Variants in APC observed in about 807,000 individuals in gnomAD.
The protein encoded by APC is adenomatous polyposis coli protein.
A neutral mutation model predicts 247.0 loss-of-function variants in APC; 72 were observed. That is an observed-to-expected ratio of 0.29 (90% confidence interval 0.24 to 0.35). The LOEUF is 0.35. Among genes scored for constraint, APC ranks in the 10% least tolerant of loss-of-function variants. The pLI is 1.00. For synonymous variants in APC, 1,254 were observed against 1,162.5 expected (o/e 1.08, Z -1.60); for missense variants, 3,400 against 3,360.7 (o/e 1.01, Z -0.29).
At chr5:112,812,098 A>G (rs1222818633) in intron 8 of APC, among the ~76,000 whole-genome samples, 1 of 152,196 alleles carries the variant, frequency 6.6e-6, no homozygotes, top group Non-Finnish European at 1.5e-5. Context: ...GATGGAAGAC[A>G]CGTCTTTGTA....
intron 1 of APC, among the ~76,000 whole-genome samples, chr5:112,727,504 C>A (rs1295209148): frequency 6.6e-6 from 1 of 152,088 alleles, no homozygotes; most frequent in Non-Finnish European, 1.5e-5. Flanking sequence ...TATATTTATT[C>A]TTTCATAAAC....
intron 2 of APC, among the ~76,000 whole-genome samples, chr5:112,756,395 G>C (rs921309554): frequency 6.6e-6 from 1 of 152,198 alleles, no homozygotes; most frequent in African/African-American, 2.4e-5. Flanking sequence ...AACTATGGGT[G>C]ACCTAAAAAG....
At chr5:112,764,712 G>A (rs1353761028) in intron 2 of APC, among the ~76,000 whole-genome samples, 1 of 152,182 alleles carries the variant, frequency 6.6e-6, no homozygotes, top group Non-Finnish European at 1.5e-5. Context: ...TTGTTGAATT[G>A]TGAGACCGGA....
intron 1 of APC, among the ~76,000 whole-genome samples, chr5:112,715,150 A>G (rs1484764766): frequency 6.6e-6 from 1 of 152,202 alleles, no homozygotes; most frequent in African/African-American, 2.4e-5. Flanking sequence ...GCGTTACTGA[A>G]TTCTACTTGT....
In APC at chr5:112,843,393, A is replaced by G. The variant is rs2149994056; in HGVS notation, c.7799A>G (p.Gln2600Arg). 3 of 1,613,418 alleles carry G rather than the reference A, an allele frequency of 1.9e-6. No homozygotes were observed. The highest frequency in any genetic ancestry group is 2.5e-6 in the Non-Finnish European group (3 of 1,179,662). ...KHVNSISGTKQSKENQVSAKG... is the reference protein window; with the variant it reads ...KHVNSISGTKRSKENQVSAKG... ...GTGAACTCTATTTCAGGAACCAAACAAAGTAAAGAAAACCAAGTATCCGCA... is the reference window on the plus strand; with the variant it reads ...GTGAACTCTATTTCAGGAACCAAACGAAGTAAAGAAAACCAAGTATCCGCA... Residue 2600 changes from glutamine (Q) to arginine (R), a missense_variant, in exon 16 of 16, where the codon CAA becomes CGA. Transcript: ENST00000257430. This position sits in a 1 kb window ranked among gnomAD's most constrained non-coding sequence, Gnocchi z 4.8.
intron 8 of APC, 72 bp downstream of exon 8, chr5:112,801,455 A>T: frequency 8.9e-7 from 1 of 1,125,072 alleles, no homozygotes; most frequent in Non-Finnish European, 1.3e-6. Flanking sequence ...AGATGGTTCT[A>T]AGAATGATCT....
At chr5:112,823,223 G>T (rs1172943101) in intron 11 of APC, 1 of 152,620 alleles carries the variant, frequency 6.6e-6, no homozygotes, top group Admixed American at 6.5e-5. Context: ...TATTCCAATG[G>T]ATTGTAGACT....
chr5:112,785,615 A>C (rs1290975874), intron 6 of APC, among the ~76,000 whole-genome samples: 1 of 152,230 alleles, frequency 6.6e-6, no homozygotes, highest in Non-Finnish European at 1.5e-5. Context: ...ATGTTGTAAT[A>C]ATCACAGTAT....
At chr5:112,720,410 T>G (rs1374117626) in intron 1 of APC, among the ~76,000 whole-genome samples, 1 of 152,252 alleles carries the variant, frequency 6.6e-6, no homozygotes, top group Non-Finnish European at 1.5e-5. Context: ...ATTTGCTCAC[T>G]TGCCTTTAAA....
intron 1 of APC, among the ~76,000 whole-genome samples, chr5:112,715,853 G>A (rs1751140510): frequency 6.6e-6 from 1 of 151,930 alleles, no homozygotes; most frequent in East Asian, 1.9e-4. Context: ...TCTATCTTGT[G>A]ATTATTTTTT....
rs559510809 is a variant in APC at position 112,819,294 on chromosome 5, G to T, written c.1262G>T (p.Trp421Leu). The T allele has an allele frequency of 6.2e-7, 1 of 1,614,034 alleles. No homozygotes were observed. Among genetic ancestry groups the T allele is most frequent in the South Asian group, 1.1e-5 (1 of 91,082 alleles). The change falls in exon 10 of 16, where the codon TGG becomes TTG. Residue 421 changes from tryptophan to leucine, a missense_variant. Physicochemically the swap from Trp to Leu is moderately conservative, Grantham distance 61. This residue lies in a region of APC where 199 missense variants were observed against 212.5 expected (regional missense o/e 0.94). Transcript: ENST00000257430. ...ATACGCGCTTACTGTGAAACCTGTT[G>T]GGAGTGGCAGGAAGCTCATGAACCA... ...EQIRAYCETC[W>L]EWQEAHEPGM...
rs1346125460 is a variant in APC at position 112,841,398 on chromosome 5, A to G, written c.5804A>G (p.Gln1935Arg). ...CTTCAGAAACAATCCACTTTTCCCC[A>G]GTCATCCAAAGACATACCAGACAGA... ...PILQKQSTFP[Q>R]SSKDIPDRGA... Residue 1935 changes from glutamine to arginine, a missense_variant, in exon 16 of 16, where the codon CAG (glutamine) becomes CGG (arginine). By Grantham distance (43) the Gln-to-Arg change is conservative. Transcript: ENST00000257430. The surrounding 1 kb of genome is among the most constrained non-coding windows in gnomAD (Gnocchi z 4.6). The G allele has an allele frequency of 6.2e-7, 1 of 1,613,906 alleles. No homozygotes were observed. The highest frequency in any genetic ancestry group is 8.5e-7 in the Non-Finnish European group (1 of 1,179,806).
At position 112,758,931 on chromosome 5, in the gene APC, A is replaced by T. The variant is rs181648081; in HGVS notation, c.135+3906A>T. On this transcript the variant is annotated intron_variant, in intron 2 of 15. Coordinates refer to ENST00000257430, the MANE Select transcript of APC (RefSeq NM_000038.6). ...CTAGAGCTCTTTAATTGACTTTAAA[A>T]TACTGAGTATAGCAACAAGGTAAAT... is the stretch of plus-strand genomic sequence containing the variant. Among the ~76,000 whole-genome samples, 1,278 of 152,328 alleles carry T rather than the reference A, an allele frequency of 8.4e-3. 7 individuals carry two copies. The highest frequency in any genetic ancestry group is 0.013 in the Non-Finnish European group (855 of 68,022).
intron 3 of APC, among the ~76,000 whole-genome samples, chr5:112,766,853 CT>C (rs1756392226): frequency 6.6e-6 from 1 of 152,188 alleles, no homozygotes; most frequent in South Asian, 2.1e-4. Context: ...GGATATCTTT[CT>C]CATTCTGTTG....
intron 6 of APC, among the ~76,000 whole-genome samples, chr5:112,782,194 A>G (rs114007171): frequency 0.029 from 4,365 of 152,218 alleles, 198 homozygotes; most frequent in African/African-American, 0.1. Flanking sequence ...GCAGCAGGCA[A>G]AGAGAGAGAG....
At position 112,844,530 on chromosome 5, in the gene APC, G is replaced by GC. The variant is rs761465527; in HGVS notation, c.*405dup. On this transcript the variant is annotated 3_prime_UTR_variant, in exon 16 of 16. Transcript: ENST00000257430. ...ACATCAGGGAAAAATTGGTATTTAT[G>GC]CAAAAAAAAATGTTTTTGTCCTTGT... The GC allele has an allele frequency of 7.9e-4, 139 of 176,534 alleles. No homozygotes were observed. The highest frequency in any genetic ancestry group is 1.2e-3 in the Non-Finnish European group (114 of 93,418). 10.9% of individuals were successfully genotyped at this position (176,534 alleles called of 1,614,324 possible). A position where few individuals can be genotyped will look rare whatever the true frequency, so the allele number is the denominator to read the frequency against.
chr5:112,808,634 A>G (rs564394941), intron 8 of APC, among the ~76,000 whole-genome samples: 13 of 151,992 alleles, frequency 8.6e-5, no homozygotes, highest in African/African-American at 1.4e-4. Flanking sequence ...CTTGAACTCA[A>G]ACTGATCTCA....
intron 1 of APC, among the ~76,000 whole-genome samples, chr5:112,743,797 G>A (rs1753313375): frequency 6.6e-6 from 1 of 152,148 alleles, no homozygotes; most frequent in African/African-American, 2.4e-5. Context: ...CTCTAATCCA[G>A]TATGACCTCA....
intron 1 of APC, among the ~76,000 whole-genome samples, chr5:112,727,453 CA>C (rs1248759611): frequency 6.6e-6 from 1 of 152,042 alleles, no homozygotes; most frequent in African/African-American, 2.4e-5. Context: ...TCTTTTGACC[CA>C]AGGCTTTGGT....
Sources: gnomAD v4.1 joint callset for allele counts (sites outside exome capture counted in the v4.1 genomes callset) on GRCh38, gnomAD v4.1.1 for gene constraint, gnomAD v4.1.1 regional missense constraint, Gnocchi (gnomAD v3.1) non-coding constraint, MANE v1.5 for transcripts, NCBI Gene and HGNC (gene_info 2026-07-23, HGNC 2026-07-21) for gene names.